The following OSBPL3 variants were observed in gnomAD, a reference collection of about 807,000 sequenced individuals.
OSBPL3 encodes oxysterol-binding protein-related protein 3.
In OSBPL3, 65 loss-of-function variants were observed where a neutral mutation model predicts 120.1. The observed-to-expected ratio is 0.54, with a 90% CI of 0.44 to 0.67. OSBPL3 has a LOEUF of 0.67. Ranked by LOEUF, OSBPL3 falls within the 30% of genes least tolerant of loss-of-function variation. The pLI, the probability that OSBPL3 is intolerant of heterozygous loss-of-function variation, is 0.00. For missense variants in OSBPL3, 1,004 were observed against 1,082.1 expected (o/e 0.93, Z 1.01); for synonymous variants, 416 against 402.6 (o/e 1.03, Z -0.40).
intron 1 of OSBPL3, among the ~76,000 whole-genome samples, chr7:24,911,223 T>C (rs915622668): frequency 1.3e-5 from 2 of 152,198 alleles, no homozygotes; most frequent in Non-Finnish European, 2.9e-5. Flanking sequence ...TAAGAAAAGA[T>C]AGCACCACCC....
In OSBPL3 at chr7:24,967,830, C is replaced by T. The variant is rs1235334217; in HGVS notation, c.-150+12056G>A. Reference sequence around the variant, plus strand: ...TCCCAGAACTGATCAACAGCTCTGCCCTCTCTCTTGCACTGTTGCTGGACA... The same window carrying T: ...TCCCAGAACTGATCAACAGCTCTGCTCTCTCTCTTGCACTGTTGCTGGACA... On this transcript the variant is annotated intron_variant, in intron 1 of 22. Coordinates refer to ENST00000313367, the MANE Select transcript of OSBPL3 (RefSeq NM_015550.4). This position sits in a 1 kb window ranked among gnomAD's most constrained non-coding sequence, Gnocchi z 5.6. 6.6e-6 allele frequency among the ~76,000 whole-genome samples: 1 copy of T among 152,100 alleles called. No individual in the cohort carries two copies. Among genetic ancestry groups the T allele is most frequent in the Non-Finnish European group, 1.5e-5 (1 of 68,026 alleles).
rs1794572303 is a variant in OSBPL3, at chr7:24,817,125, T to C, written c.1949-437A>G. ...AAAAAGCAATTTAAGGCCAAATAAA[T>C]AGCTTGTCTGAGGGGACGGAAGTAT... On this transcript the variant is annotated intron_variant, in intron 17 of 22. Transcript: ENST00000313367. This position sits in a 1 kb window ranked among gnomAD's most constrained non-coding sequence, Gnocchi z 4.0. Among the ~76,000 whole-genome samples, 1 of 152,108 alleles carries C rather than the reference T, an allele frequency of 6.6e-6. No homozygotes were observed. The highest frequency in any genetic ancestry group is 1.5e-5 in the Non-Finnish European group (1 of 68,008).
At chr7:24,973,841 G>C (rs994888113) in intron 1 of OSBPL3, among the ~76,000 whole-genome samples, 18 of 152,084 alleles carry the variant, frequency 1.2e-4, no homozygotes, top group African/African-American at 4.3e-4. Flanking sequence ...AGATGACTTT[G>C]ATATTTCTAA....
chr7:24,889,401 T>C (rs1019700588), intron 2 of OSBPL3, among the ~76,000 whole-genome samples: 1 of 152,204 alleles, frequency 6.6e-6, no homozygotes, highest in African/African-American at 2.4e-5. Context: ...TAATACTGCA[T>C]TATTCACTTG....
rs754414208 is a variant in OSBPL3 at position 24,967,745 on chromosome 7, C to A, written c.-150+12141G>T. Among the ~76,000 whole-genome samples, 5 of 152,138 alleles carry A rather than the reference C, an allele frequency of 3.3e-5. No homozygotes were observed. The highest frequency in any genetic ancestry group is 4.8e-5 in the African/African-American group (2 of 41,422). On this transcript the variant is annotated intron_variant, in intron 1 of 22. Coordinates refer to ENST00000313367, the MANE Select transcript of OSBPL3 (RefSeq NM_015550.4). This position sits in a 1 kb window ranked among gnomAD's most constrained non-coding sequence, Gnocchi z 5.6. ...TCCCCCTTTCTCTCCTGGGACCTGC[C>A]CCAAAGGTTCTATAGGTAAAGGCCC...
rs754994089 is a variant in OSBPL3 at position 24,916,997 on chromosome 7, T to C, written c.-149-24376A>G. Among the ~76,000 whole-genome samples the C allele has an allele frequency of 4.0e-5, 6 of 151,808 alleles. No individual in the cohort carries two copies. Among genetic ancestry groups the C allele is most frequent in the Non-Finnish European group, 8.8e-5 (6 of 67,968 alleles). ...GAAGAAGGAAGGAAGGATGGGTATA[T>C]GGGTAGAGAGAGGGAAGGAAAAAGA... On this transcript the variant is annotated intron_variant, in intron 1 of 22. Transcript: ENST00000313367. The surrounding 1 kb of genome is among the most constrained non-coding windows in gnomAD (Gnocchi z 4.9).
At position 24,834,108 on chromosome 7, in the gene OSBPL3, G is replaced by A. The variant is rs151149253; in HGVS notation, c.1746+378C>T. 133 of 999,154 alleles carry A rather than the reference G, an allele frequency of 1.3e-4. No individual in the cohort carries two copies. In the East Asian group the frequency reaches 8.0e-3, roughly 60 times the overall value. The allele number at this position is 999,154 out of a possible 1,614,324, so 61.9% of individuals were successfully genotyped here. The stretch of plus-strand genomic sequence containing the variant: ...TTACCCTGGATGAGAAAAACAGCTC[G>A]AGAAATTAAATTCTGTCCACCCAGG... On this transcript the variant is annotated intron_variant, in intron 15 of 22. Coordinates refer to ENST00000313367, the MANE Select transcript of OSBPL3 (RefSeq NM_015550.4). The surrounding 1 kb of genome is among the most constrained non-coding windows in gnomAD (Gnocchi z 5.2).
At chr7:24,942,117 C>A (rs1006901546) in intron 1 of OSBPL3, among the ~76,000 whole-genome samples, 3 of 151,736 alleles carry the variant, frequency 2.0e-5, no homozygotes, top group African/African-American at 7.3e-5. Flanking sequence ...TTGTGTCCAG[C>A]TGACTCAAGA....
At chr7:24,921,515 A>G (rs376186123) in intron 1 of OSBPL3, among the ~76,000 whole-genome samples, 1 of 152,350 alleles carries the variant, frequency 6.6e-6, no homozygotes, top group East Asian at 1.9e-4. Context: ...GGCCTATGCA[A>G]TGCACTTAAA....
chr7:24,904,176 C>T (rs1179599950), intron 1 of OSBPL3, among the ~76,000 whole-genome samples: 1 of 152,156 alleles, frequency 6.6e-6, no homozygotes. Flanking sequence ...AGTCACTGCA[C>T]CTGGCCACTG....
chr7:24,871,631 G>T lies in OSBPL3; in HGVS notation c.267+111C>A. 1.2e-6 allele frequency: 1 copy of T among 815,144 alleles called. No homozygotes were observed. The highest frequency in any genetic ancestry group is 2.0e-6 in the Non-Finnish European group (1 of 494,076). 50.5% of individuals were successfully genotyped at this position (815,144 alleles called of 1,614,324 possible). The stretch of plus-strand genomic sequence containing the variant: ...CAGACAGAAGTGTTTCCCCTCTATG[G>T]TTTCCAGTTCCGAGAAAAGCTATCC... On this transcript the variant is annotated intron_variant, in intron 4 of 22. Coordinates refer to ENST00000313367, the MANE Select transcript of OSBPL3 (RefSeq NM_015550.4). The surrounding 1 kb of genome is among the most constrained non-coding windows in gnomAD (Gnocchi z 4.8).
rs1816264586 is a variant in OSBPL3 at position 24,965,483 on chromosome 7, T to A, written c.-150+14403A>T. Among the ~76,000 whole-genome samples, 1 of 152,208 alleles carries A rather than the reference T, an allele frequency of 6.6e-6. No individual in the cohort carries two copies. Among genetic ancestry groups the A allele is most frequent in the African/African-American group, 2.4e-5 (1 of 41,454 alleles). Reference sequence around the variant, plus strand: ...AAATAAGGGGGTTATGACAATCTAATGATAACCAGAATTCTCTGGTTCTTC... The same window carrying A: ...AAATAAGGGGGTTATGACAATCTAAAGATAACCAGAATTCTCTGGTTCTTC... On this transcript the variant is annotated intron_variant, in intron 1 of 22. Transcript: ENST00000313367. This position sits in a 1 kb window ranked among gnomAD's most constrained non-coding sequence, Gnocchi z 4.3.
intron 1 of OSBPL3, among the ~76,000 whole-genome samples, chr7:24,897,689 C>A (rs969865444): frequency 6.6e-6 from 1 of 152,164 alleles, no homozygotes; most frequent in African/African-American, 2.4e-5. Flanking sequence ...ATCCATAATG[C>A]GAGTGTGAAC....
chr7:24,858,164 TG>T (rs1584401236), intron 10 of OSBPL3, among the ~76,000 whole-genome samples: 2 of 152,106 alleles, frequency 1.3e-5, no homozygotes, highest in African/African-American at 2.4e-5. Context: ...CTAGCATGGG[TG>T]TATTTTGGTT....
chr7:24,902,402 C>T (rs1807165507), intron 1 of OSBPL3, among the ~76,000 whole-genome samples: 1 of 152,098 alleles, frequency 6.6e-6, no homozygotes, highest in African/African-American at 2.4e-5. Flanking sequence ...AATTATTGCA[C>T]ACACAAAAAC....
chr7:24,808,324 G>T lies in OSBPL3; in HGVS notation c.2318-1422C>A, dbSNP rs1038071914. Among the ~76,000 whole-genome samples, 2 of 152,158 alleles carry T rather than the reference G, an allele frequency of 1.3e-5. No individual in the cohort carries two copies. The highest frequency in any genetic ancestry group is 2.9e-5 in the Non-Finnish European group (2 of 68,042). The stretch of plus-strand genomic sequence containing the variant: ...CTTGGTCAGCTCCCCAGTAACCAGG[G>T]AGTGAAGATAGTGCTTTTTCTTAAA... On this transcript the variant is annotated intron_variant, in intron 20 of 22. Coordinates refer to ENST00000313367, the MANE Select transcript of OSBPL3 (RefSeq NM_015550.4). The surrounding 1 kb of genome is among the most constrained non-coding windows in gnomAD (Gnocchi z 4.6).
rs570154451 is a variant in OSBPL3, at chr7:24,825,468, C to A, written c.1885-5230G>T. On this transcript the variant is annotated intron_variant, in intron 16 of 22. Coordinates refer to ENST00000313367, the MANE Select transcript of OSBPL3 (RefSeq NM_015550.4). ...AATCACTTATCTCATAAACACATGG[C>A]CTCTTGCAAAAAATTAAAAAACAAA... is the stretch of plus-strand genomic sequence containing the variant. Among the ~76,000 whole-genome samples, 13 of 152,214 alleles carry A rather than the reference C, an allele frequency of 8.5e-5. No homozygotes were observed. In the South Asian group the frequency reaches 2.7e-3, roughly 32 times the overall value.
chr7:24,889,911 G>A (rs771059299), intron 2 of OSBPL3, among the ~76,000 whole-genome samples: 6 of 152,184 alleles, frequency 3.9e-5, no homozygotes, highest in African/African-American at 4.8e-5. Context: ...GGGGCCTGGT[G>A]CTGGGTCCAT....
At chr7:24,981,494 TG>T (rs962482121), upstream of OSBPL3, 4 of 152,592 alleles carry the variant, frequency 2.6e-5, no homozygotes, top group African/African-American at 9.6e-5. This position sits in a 1 kb window ranked among gnomAD's most constrained non-coding sequence, Gnocchi z 7.3. Context: ...AACCACCACC[TG>T]CAGCGCTCGA....
Sources: gnomAD v4.1 joint callset for allele counts (sites outside exome capture counted in the v4.1 genomes callset) on GRCh38, gnomAD v4.1.1 for gene constraint, Gnocchi (gnomAD v3.1) non-coding constraint, MANE v1.5 for transcripts, NCBI Gene and HGNC (gene_info 2026-07-23, HGNC 2026-07-21) for gene names.